The following DOCK4 variants were observed in gnomAD, a reference collection of about 807,000 sequenced individuals.
The protein encoded by DOCK4 is dedicator of cytokinesis 4.
Under a neutral mutation model 268.1 loss-of-function variants are expected in DOCK4, and 97 were observed. The observed-to-expected ratio is 0.36, with a 90% CI of 0.31 to 0.43. The LOEUF (loss-of-function observed/expected upper bound fraction) is 0.43. Ranked by LOEUF, DOCK4 falls within the 20% of genes least tolerant of loss-of-function variation. The pLI is 1.00. For missense variants in DOCK4, 2,145 were observed against 2,455.7 expected, an observed-to-expected ratio of 0.87 and a Z score of 2.67; for synonymous variants, 954 against 887.2, an observed-to-expected ratio of 1.08 and a Z score of -1.34.
chr7:111,745,999 ATT>A (rs1171276314), intron 44 of DOCK4, among the ~76,000 whole-genome samples: 1 of 152,198 alleles, frequency 6.6e-6, no homozygotes, highest in Non-Finnish European at 1.5e-5. Flanking sequence ...GAAATAATAA[ATT>A]TTGTTATTTG....
chr7:111,732,793 C>A (rs1450201257), intron 51 of DOCK4, among the ~76,000 whole-genome samples: 2 of 152,190 alleles, frequency 1.3e-5, no homozygotes, highest in African/African-American at 4.8e-5. Flanking sequence ...AGGTAGAAAA[C>A]CCTTGGCCAT....
chr7:111,920,043 C>CA (rs1168755772), intron 12 of DOCK4, among the ~76,000 whole-genome samples: 1 of 152,042 alleles, frequency 6.6e-6, no homozygotes, highest in African/African-American at 2.4e-5. Flanking sequence ...AAAGACGTAG[C>CA]AAATATTTAC....
chr7:111,974,024 A>G (rs1270581409), intron 8 of DOCK4, among the ~76,000 whole-genome samples: 2 of 152,138 alleles, frequency 1.3e-5, no homozygotes, highest in Admixed American at 1.3e-4. Flanking sequence ...GGTGGGATGA[A>G]GGCAGCAAGA....
chr7:112,031,711 C>A (rs1368785680), intron 1 of DOCK4, among the ~76,000 whole-genome samples: 1 of 152,154 alleles, frequency 6.6e-6, no homozygotes, highest in Non-Finnish European at 1.5e-5. Flanking sequence ...TCAAATTAAT[C>A]TTATTGCCAC....
intron 23 of DOCK4, among the ~76,000 whole-genome samples, chr7:111,848,079 G>A (rs980375555): frequency 6.6e-6 from 1 of 152,102 alleles, no homozygotes; most frequent in Non-Finnish European, 1.5e-5. Context: ...GTGTTCTTCA[G>A]ATCTGGGAAT....
chr7:112,032,152 T>C (rs904963835), intron 1 of DOCK4, among the ~76,000 whole-genome samples: 10 of 152,188 alleles, frequency 6.6e-5, no homozygotes, highest in Admixed American at 3.3e-4. Flanking sequence ...ATGTGATGGG[T>C]GACAATGTGT....
At chr7:111,825,176 G>C (rs1482048604) in intron 26 of DOCK4, among the ~76,000 whole-genome samples, 1 of 151,982 alleles carries the variant, frequency 6.6e-6, no homozygotes, top group East Asian at 1.9e-4. Context: ...TATTCAAAAG[G>C]CATCTCCACA....
chr7:112,061,739 T>TCACACACA (rs61696712), intron 1 of DOCK4, among the ~76,000 whole-genome samples: 2,861 of 137,188 alleles, frequency 0.021, 53 homozygotes, highest in African/African-American at 0.042. Context: ...ATTAACAATG[T>TCACACACA]CACACACACA....
At chr7:111,947,345 T>C (rs1365687873) in intron 8 of DOCK4, among the ~76,000 whole-genome samples, 1 of 152,244 alleles carries the variant, frequency 6.6e-6, no homozygotes, top group African/African-American at 2.4e-5. Context: ...TCTAGATAGA[T>C]ACGTTTAACA....
intron 11 of DOCK4, among the ~76,000 whole-genome samples, chr7:111,936,048 C>T (rs1330327101): frequency 6.6e-6 from 1 of 152,190 alleles, no homozygotes; most frequent in Non-Finnish European, 1.5e-5. Context: ...AGATAATATA[C>T]TAGAACTTTA....
chr7:111,843,522 TCACTA>T (rs1335429384), intron 25 of DOCK4, among the ~76,000 whole-genome samples: 1 of 152,062 alleles, frequency 6.6e-6, no homozygotes, highest in Non-Finnish European at 1.5e-5. Flanking sequence ...CAATAAGATA[TCACTA>T]CATAGCTATC....
Position 111,726,996 on chromosome 7 carries a change from TA to T in DOCK4, c.*1277del, listed in dbSNP as rs951658787. 2.0e-4 allele frequency: 30 copies of T among 152,610 alleles called. No homozygotes were observed. Among genetic ancestry groups the T allele is most frequent in the African/African-American group, 6.7e-4 (28 of 41,520 alleles). 9.5% of individuals were successfully genotyped at this position (152,610 alleles called of 1,614,324 possible). On this transcript the variant is annotated 3_prime_UTR_variant, in exon 53 of 53. Coordinates refer to ENST00000428084, the MANE Select transcript of DOCK4 (RefSeq NM_001363540.2). The stretch of plus-strand genomic sequence containing the variant: ...GAGCTTCCCAACAAAAGAGGGAAAA[TA>T]TTTAACAGTATGATTTAAAATACAG...
chr7:112,125,521 C>T (rs190020094), intron 1 of DOCK4, among the ~76,000 whole-genome samples: 6 of 152,196 alleles, frequency 3.9e-5, no homozygotes, highest in East Asian at 1.9e-4. Context: ...ATGCAGAGAA[C>T]GGCCTTTGAA....
rs532866228 is a variant in DOCK4 at position 111,759,857 on chromosome 7, T to TG, written c.4162+323_4162+324insC. ...ATGATTTTCTTGAACTTAAGCAGTT[T>TG]CCACAGGATATGTCAAAGGAAGTTT... On this transcript the variant is annotated intron_variant, in intron 40 of 52. Coordinates refer to ENST00000428084, the MANE Select transcript of DOCK4 (RefSeq NM_001363540.2). 6.5e-3 allele frequency among the ~76,000 whole-genome samples: 988 copies of TG among 152,120 alleles called. 15 individuals are homozygous for TG. Among genetic ancestry groups the TG allele is most frequent in the African/African-American group, 0.023 (944 of 41,500 alleles).
intron 1 of DOCK4, among the ~76,000 whole-genome samples, chr7:112,031,276 C>T (rs541586592): frequency 2.6e-5 from 4 of 152,332 alleles, no homozygotes; most frequent in Middle Eastern, 6.8e-3. Flanking sequence ...TTCACATAGT[C>T]GTTCCACTCC....
chr7:111,980,986 C>T (rs917032102), intron 7 of DOCK4, among the ~76,000 whole-genome samples: 13 of 152,174 alleles, frequency 8.5e-5, no homozygotes, highest in African/African-American at 3.1e-4. Flanking sequence ...TAACACTGTG[C>T]GGTTTAGCAC....
chr7:111,812,963 G>T (rs1457263054), intron 27 of DOCK4, among the ~76,000 whole-genome samples: 2 of 152,162 alleles, frequency 1.3e-5, no homozygotes, highest in African/African-American at 4.8e-5. Context: ...AGCATTCTTG[G>T]TTAGTTCTAG....
At chr7:111,926,185 C>T (rs1225161993) in intron 12 of DOCK4, among the ~76,000 whole-genome samples, 1 of 144,034 alleles carries the variant, frequency 6.9e-6, no homozygotes, top group African/African-American at 2.7e-5. Flanking sequence ...GGAAGGCGGG[C>T]AAGGTGGGCA....
At chr7:111,780,919 C>T (rs1189744439) in intron 35 of DOCK4, among the ~76,000 whole-genome samples, 1 of 152,000 alleles carries the variant, frequency 6.6e-6, no homozygotes, top group East Asian at 1.9e-4. Context: ...TTAAAATTTT[C>T]TAGAAGGACT....
Sources: allele counts gnomAD v4.1 joint callset (sites outside exome capture counted in the v4.1 genomes callset), GRCh38; gene constraint gnomAD v4.1.1; transcripts MANE v1.5; gene names NCBI Gene and HGNC (gene_info 2026-07-23, HGNC 2026-07-21).